Variants in ZNFX1 observed in about 807,000 individuals in gnomAD.
ZNFX1 encodes the protein NFX1-type zinc finger-containing protein 1.
Under a neutral mutation model 179.8 loss-of-function variants are expected in ZNFX1, and 78 were observed. The observed-to-expected ratio is 0.43, with a 90% CI of 0.36 to 0.52. The LOEUF (loss-of-function observed/expected upper bound fraction) is 0.52. Among genes scored for constraint, ZNFX1 ranks in the 20% least tolerant of loss-of-function variants. The probability of loss-of-function intolerance (pLI) is 0.00; values close to 1 mark genes in which losing one functional copy is unlikely to be tolerated. For synonymous variants in ZNFX1, 848 were observed against 868.5 expected (o/e 0.98, Z 0.42); for missense variants, 1,927 against 2,386.6 (o/e 0.81, Z 4.01).
chr20:49,255,781 G>A, intron 9 of ZNFX1, 27 bp downstream of exon 9: 1 of 1,591,898 alleles, frequency 6.3e-7, no homozygotes, highest in South Asian at 1.1e-5. Flanking sequence ...CTCCCTACAT[G>A]GGTTGGCTAG....
chr20:49,264,921 A>G, intron 4 of ZNFX1, 57 bp from the exon 5 acceptor site: 1 of 1,611,134 alleles, frequency 6.2e-7, no homozygotes, highest in Non-Finnish European at 8.5e-7. Context: ...AGGTTCTCTC[A>G]GGTGAGAGCT....
intron 6 of ZNFX1, among the ~76,000 whole-genome samples, chr20:49,262,180 C>A (rs1981129881): frequency 6.6e-6 from 1 of 151,432 alleles, no homozygotes; most frequent in Non-Finnish European, 1.5e-5. Flanking sequence ...TTTGGAGAGC[C>A]GAGGTGGGCG....
rs1269285211 is a variant in ZNFX1, at chr20:49,275,801, C to A, written c.39G>T (p.Arg13Ser). The A allele has an allele frequency of 6.2e-7, 1 of 1,613,978 alleles. No individual in the cohort carries two copies. Among genetic ancestry groups the A allele is most frequent in the African/African-American group, 1.3e-5 (1 of 74,888 alleles). Residue 13 changes from arginine to serine, a missense_variant, in exon 2 of 14, where the codon AGG (arginine) becomes AGT (serine). Physicochemically the swap from Arg to Ser is moderately radical, Grantham distance 110. Coordinates refer to ENST00000396105, the MANE Select transcript of ZNFX1 (RefSeq NM_021035.3). ...TACCTCTGTGGTTGGTATGGGAATT[C>A]CTGGGCCTGGCATCCAGATGAGGTC... is the stretch of plus-strand genomic sequence containing the variant. Reference protein sequence around the residue: ...ERRPHLDARPRNSHTNHRGPV... With the variant: ...ERRPHLDARPSNSHTNHRGPV...
In ZNFX1 at chr20:49,270,603, T is replaced by A; in HGVS notation, c.1209A>T (p.Arg403Ser). The A allele has an allele frequency of 6.2e-7, 1 of 1,614,188 alleles. No homozygotes were observed. The highest frequency in any genetic ancestry group is 8.5e-7 in the Non-Finnish European group (1 of 1,180,020). ...AGTAGATTCGGATGTCATCAAACTT[T>A]CTCTTCCTCAGGCCCTGGTCTTCAA... Reference protein sequence around the residue: ...QSFEDQGLRKRKFDDIRIYFD... With the variant: ...QSFEDQGLRKSKFDDIRIYFD... The change falls in exon 3 of 14, where the codon AGA becomes AGT. Residue 403 changes from arginine to serine, a missense_variant. Physicochemically the swap from Arg to Ser is moderately radical, Grantham distance 110 (BLOSUM62 -1). Transcript: ENST00000396105. The surrounding 1 kb of genome is among the most constrained non-coding windows in gnomAD (Gnocchi z 4.6).
In ZNFX1 at chr20:49,271,336, T is replaced by A; in HGVS notation, c.476A>T (p.Glu159Val). 6.2e-7 allele frequency: 1 copy of A among 1,614,150 alleles called. No homozygotes were observed. The highest frequency in any genetic ancestry group is 8.5e-7 in the Non-Finnish European group (1 of 1,180,026). Residue 159 changes from glutamate (E) to valine (V), a missense_variant, in exon 3 of 14, where the codon GAG (glutamate) becomes GTG (valine). By Grantham distance (121) the Glu-to-Val change is moderately radical. Coordinates refer to ENST00000396105, the MANE Select transcript of ZNFX1 (RefSeq NM_021035.3). ...ACTTGTGGCAAGTGTGATGACCACC[T>A]CAGAAGGGTCTTTCTGCAGAAGACT... ...LESLLQKDPS[E>V]VVITLATSLG...
chr20:49,247,838 CTT>C lies in ZNFX1; in HGVS notation c.5184_5185del (p.Arg1729SerfsTer10). ...GACCTGTTCTAGTCGAGTCCTCACT[CTT>C]TTCTCTTCTAAGACATGCATCTTTT... is the stretch of plus-strand genomic sequence containing the variant. On this transcript the variant is annotated frameshift_variant, in exon 14 of 14. Transcript: ENST00000396105. LOFTEE classifies it high-confidence loss of function. 6.2e-7 allele frequency: 1 copy of C among 1,614,144 alleles called. No homozygotes were observed. The highest frequency in any genetic ancestry group is 8.5e-7 in the Non-Finnish European group (1 of 1,180,022).
chr20:49,257,309 G>C, intron 8 of ZNFX1, 108 bp downstream of exon 8: 1 of 1,462,012 alleles, frequency 6.8e-7, no homozygotes, highest in African/African-American at 1.4e-5. Flanking sequence ...TGTAATACAG[G>C]TACTTAGCTA....
At chr20:49,251,842 CTTTT>C (rs71186445) in intron 12 of ZNFX1, among the ~76,000 whole-genome samples, 5 of 134,214 alleles carry the variant, frequency 3.7e-5, no homozygotes, top group Non-Finnish European at 6.5e-5. Flanking sequence ...ATTTTTCTTT[CTTTT>C]TTTTTTTTTT....
chr20:49,255,862 T>TTGGCCTCGGCTGCAGTCATGG lies in ZNFX1; in HGVS notation c.2729_2749dup (p.Thr910_Ala916dup). The TTGGCCTCGGCTGCAGTCATGG allele has an allele frequency of 6.2e-7, 1 of 1,614,140 alleles. No individual in the cohort carries two copies. The highest frequency in any genetic ancestry group is 8.5e-7 in the Non-Finnish European group (1 of 1,180,010). On this transcript the variant is annotated inframe_insertion, in exon 9 of 14. Coordinates refer to ENST00000396105, the MANE Select transcript of ZNFX1 (RefSeq NM_021035.3). ...CAGCTGCCAAACATCCTCGATCTCG[T>TTGGCCTCGGCTGCAGTCATGG]TGGCCTCGGCTGCAGTCATGGTGTT...
Position 49,271,251 on chromosome 20 carries a change from G to C in ZNFX1, c.561C>G (p.Ile187Met). ...SSMKSNFLEL[I>M]CQVLRKACSS... is the part of the protein sequence containing the mutation. The stretch of plus-strand genomic sequence containing the variant: ...TACAAGCCTTCCGAAGAACCTGACA[G>C]ATGAGCTCAAGGAAGTTAGATTTCA... The change falls in exon 3 of 14, where the codon ATC becomes ATG. Residue 187 changes from isoleucine to methionine, a missense_variant. Coordinates refer to ENST00000396105, the MANE Select transcript of ZNFX1 (RefSeq NM_021035.3). 6.2e-7 allele frequency: 1 copy of C among 1,614,206 alleles called. No individual in the cohort carries two copies. Among genetic ancestry groups the C allele is most frequent in the Non-Finnish European group, 8.5e-7 (1 of 1,180,040 alleles).
rs553469480 is a variant in ZNFX1 at position 49,254,265 on chromosome 20, G to A, written c.2959+230C>T. On this transcript the variant is annotated intron_variant, in intron 10 of 13. Transcript: ENST00000396105. ...TGATTGCAAACTTATGACCTCAGGT[G>A]ATCCACCTGCCTTGGCCTCCCAAAG... Among the ~76,000 whole-genome samples, 7 of 152,280 alleles carry A rather than the reference G, an allele frequency of 4.6e-5. No individual in the cohort carries two copies. The East Asian group carries it at 1.2e-3, about 25-fold the overall frequency.
intron 13 of ZNFX1, among the ~76,000 whole-genome samples, chr20:49,250,420 T>C (rs1980806793): frequency 6.6e-6 from 1 of 152,216 alleles, no homozygotes; most frequent in African/African-American, 2.4e-5. Context: ...CATACAGTAA[T>C]GGGATATGGC....
At chr20:49,252,559 C>T (rs892819844) in intron 12 of ZNFX1, among the ~76,000 whole-genome samples, 161 bp downstream of exon 12, 19 of 152,054 alleles carry the variant, frequency 1.2e-4, no homozygotes, top group South Asian at 2.1e-4. Flanking sequence ...AAACTCAACA[C>T]GGTGATCTTG....
chr20:49,257,078 C>T (rs546685380), intron 8 of ZNFX1, among the ~76,000 whole-genome samples: 1 of 152,166 alleles, frequency 6.6e-6, no homozygotes, highest in African/African-American at 2.4e-5. Flanking sequence ...TGTTCACAAA[C>T]TCATTTGAAA....
At position 49,271,468 on chromosome 20, in the gene ZNFX1, C is replaced by A; in HGVS notation, c.344G>T (p.Arg115Leu). ...WRNGNQDCRN[R>L]RPPWSNDNFQ... ...GTTGTCATTGGACCATGGTGGTCTG[C>A]GGTTCCTACAGTCCTGGTTGCCATT... The change falls in exon 3 of 14, where the codon CGC (arginine) becomes CTC (leucine). Residue 115 changes from arginine to leucine, a missense_variant. By Grantham distance (102) the Arg-to-Leu change is moderately radical. Coordinates refer to ENST00000396105, the MANE Select transcript of ZNFX1 (RefSeq NM_021035.3). 1 of 1,614,178 alleles carries A rather than the reference C, an allele frequency of 6.2e-7. No individual in the cohort carries two copies. The highest frequency in any genetic ancestry group is 8.5e-7 in the Non-Finnish European group (1 of 1,180,020).
chr20:49,253,850 A>G (rs756797566), intron 10 of ZNFX1, 39 bp from the exon 11 acceptor site: 5 of 1,610,308 alleles, frequency 3.1e-6, no homozygotes, highest in Non-Finnish European at 4.2e-6. Flanking sequence ...CTCTGAGCTG[A>G]GGCACAGGAC....
chr20:49,248,158 G>C lies in ZNFX1; in HGVS notation c.4866C>G (p.Cys1622Trp). The C allele has an allele frequency of 1.2e-6, 2 of 1,614,136 alleles. No individual in the cohort carries two copies. The highest frequency in any genetic ancestry group is 1.7e-6 in the Non-Finnish European group (2 of 1,180,018). Residue 1622 changes from cysteine (C) to tryptophan (W), a missense_variant, in exon 14 of 14, where the codon TGC becomes TGG. Coordinates refer to ENST00000396105, the MANE Select transcript of ZNFX1 (RefSeq NM_021035.3). The surrounding 1 kb of genome is among the most constrained non-coding windows in gnomAD (Gnocchi z 4.6). Reference protein sequence around the residue: ...VAIRLKVCPICQVPIRKNLRY... With the variant: ...VAIRLKVCPIWQVPIRKNLRY... The stretch of plus-strand genomic sequence containing the variant: ...TCAGGTTTTTGCGGATGGGCACCTG[G>C]CAGATAGGGCAGACTTTCAATCTGA...
chr20:49,252,568 T>C (rs1018517039), intron 12 of ZNFX1, 152 bp downstream of exon 12: 6 of 577,866 alleles, frequency 1.0e-5, no homozygotes, highest in African/African-American at 1.9e-5. Flanking sequence ...ACGGTGATCT[T>C]GTGGTGTTTT....
intron 2 of ZNFX1, among the ~76,000 whole-genome samples, chr20:49,274,119 A>G (rs7266044): frequency 0.32 from 48,673 of 152,132 alleles, 8,667 homozygotes; most frequent in Middle Eastern, 0.47. Flanking sequence ...TCTTGGAACT[A>G]ATTTAGCTTT....
Sources: gnomAD v4.1 joint callset for allele counts (sites outside exome capture counted in the v4.1 genomes callset) on GRCh38, gnomAD v4.1.1 for gene constraint, Gnocchi (gnomAD v3.1) non-coding constraint, MANE v1.5 for transcripts, NCBI Gene and HGNC (gene_info 2026-07-23, HGNC 2026-07-21) for gene names.